Variants in PAK3 observed in about 807,000 individuals in gnomAD.
PAK3 encodes serine/threonine-protein kinase PAK 3.
In PAK3, 4 loss-of-function variants were observed where a neutral mutation model predicts 41.0. The ratio of observed to expected loss-of-function variants is 0.10; its 90% CI spans 0.05 to 0.22. PAK3 has a LOEUF of 0.22. Ranked by LOEUF, PAK3 falls within the 10% of genes least tolerant of loss-of-function variation. The probability of loss-of-function intolerance (pLI) is 1.00; values close to 1 mark genes in which losing one functional copy is unlikely to be tolerated. For synonymous variants in PAK3, 146 were observed against 139.6 expected, an observed-to-expected ratio of 1.05 and a Z score of -0.32; for missense variants, 205 against 409.9, an observed-to-expected ratio of 0.50 and a Z score of 4.32.
intron 7 of PAK3, among the ~76,000 whole-genome samples, chrX:111,150,421 T>G (rs1329132147): frequency 2.7e-5 from 3 of 112,027 alleles, no homozygotes; most frequent in African/African-American, 9.8e-5. Context: ...TTAGTCCGTT[T>G]TCATGCTACT....
At chrX:111,133,031 G>A (rs1418644712) in intron 5 of PAK3, among the ~76,000 whole-genome samples, 1 of 111,535 alleles carries the variant, frequency 9.0e-6, no homozygotes. Context: ...CAACCATCTG[G>A]AAGCCTGCCC....
chrX:110,952,004 T>C (rs1415948720), intron 1 of PAK3, among the ~76,000 whole-genome samples: 1 of 112,363 alleles, frequency 8.9e-6, no homozygotes, highest in African/African-American at 3.2e-5. Flanking sequence ...CTATTTAACT[T>C]GGCTTCCTGC....
chrX:110,970,056 A>G (rs181581140), intron 1 of PAK3, among the ~76,000 whole-genome samples: 1,945 of 112,150 alleles, frequency 0.017, 42 homozygotes, highest in African/African-American at 0.059. Flanking sequence ...TTACACCTAA[A>G]TAACTCATTT....
At chrX:111,087,134 AGTGTGTGTGTGTGTGTGT>A (rs112857612) in intron 1 of PAK3, among the ~76,000 whole-genome samples, 1 of 95,523 alleles carries the variant, frequency 1.0e-5, no homozygotes, top group Non-Finnish European at 2.1e-5. Context: ...TGAACAAGTA[AGTGTGTGTGTGTGTGTGT>A]GTGTGTGTGT....
chrX:111,017,175 A>G (rs1306462738), intron 1 of PAK3, among the ~76,000 whole-genome samples: 2 of 111,968 alleles, frequency 1.8e-5, no homozygotes, highest in African/African-American at 6.5e-5. Context: ...ATTAAAAAAT[A>G]ACAAGCTAAA....
intron 1 of PAK3, among the ~76,000 whole-genome samples, chrX:111,032,830 T>C (rs1475330141): frequency 1.8e-5 from 2 of 110,805 alleles, no homozygotes; most frequent in Non-Finnish European, 3.8e-5. Flanking sequence ...AGGGTCTTAA[T>C]GAGCCAGATC....
intron 1 of PAK3, among the ~76,000 whole-genome samples, chrX:111,052,081 T>C (rs776751756): frequency 8.9e-6 from 1 of 112,299 alleles, no homozygotes; most frequent in Admixed American, 9.4e-5. Context: ...GCAGCTACTA[T>C]CCATCCTTGG....
intron 11 of PAK3, among the ~76,000 whole-genome samples, chrX:111,191,598 G>T (rs1398375239): frequency 1.8e-5 from 2 of 111,878 alleles, no homozygotes; most frequent in African/African-American, 6.5e-5. Flanking sequence ...GGAAATATAT[G>T]AAAAGAACCA....
chrX:111,185,409 A>G (rs924273241), intron 11 of PAK3, among the ~76,000 whole-genome samples: 1 of 111,382 alleles, frequency 9.0e-6, no homozygotes, highest in African/African-American at 3.3e-5. Flanking sequence ...ATTAGATTCT[A>G]TTTGTTAATT....
At chrX:111,105,888 C>A (rs377666543) in intron 4 of PAK3, among the ~76,000 whole-genome samples, 1 of 111,900 alleles carries the variant, frequency 8.9e-6, no homozygotes, top group East Asian at 2.8e-4. Flanking sequence ...CAATCACTTA[C>A]ACACACAGGT....
chrX:111,120,374 G>A (rs1056364104), intron 4 of PAK3, among the ~76,000 whole-genome samples: 5 of 111,643 alleles, frequency 4.5e-5, no homozygotes, highest in African/African-American at 1.6e-4. Flanking sequence ...ATAAAGTCAG[G>A]GTAATCAGGC....
chrX:111,028,020 T>C (rs1265048196), intron 1 of PAK3, among the ~76,000 whole-genome samples: 1 of 102,303 alleles, frequency 9.8e-6, no homozygotes, highest in Admixed American at 1.1e-4. Context: ...TATATATACA[T>C]ATATATGTGT....
At chrX:111,135,253 G>T (rs1603287573) in intron 5 of PAK3, among the ~76,000 whole-genome samples, 1 of 111,712 alleles carries the variant, frequency 9.0e-6, no homozygotes, top group Non-Finnish European at 1.9e-5. Flanking sequence ...GCTGGAGAAG[G>T]TTGAGTTAGG....
At chrX:111,108,514 T>C (rs945254705) in intron 4 of PAK3, among the ~76,000 whole-genome samples, 3 of 112,207 alleles carry the variant, frequency 2.7e-5, no homozygotes, top group Non-Finnish European at 3.8e-5. Context: ...TCCTGTCAGA[T>C]CAGCAGCAAC....
At chrX:111,181,144 T>G (rs2094457898) in intron 11 of PAK3, among the ~76,000 whole-genome samples, 1 of 112,045 alleles carries the variant, frequency 8.9e-6, no homozygotes, top group African/African-American at 3.2e-5. Flanking sequence ...AAAGGAACTC[T>G]AACAAGAAAG....
chrX:111,120,501 A>G (rs969425737), intron 4 of PAK3, among the ~76,000 whole-genome samples: 1 of 111,910 alleles, frequency 8.9e-6, no homozygotes, highest in Non-Finnish European at 1.9e-5. Context: ...GGAGCATAGC[A>G]TTTTAAATTC....
chrX:111,121,434 G>A (rs2093566623), intron 4 of PAK3, among the ~76,000 whole-genome samples: 1 of 111,778 alleles, frequency 8.9e-6, no homozygotes, highest in Non-Finnish European at 1.9e-5. Flanking sequence ...GTATATGTTT[G>A]AGAGAATTTA....
At chrX:111,090,424 T>C (rs1368793408) in intron 1 of PAK3, among the ~76,000 whole-genome samples, 3 of 111,812 alleles carry the variant, frequency 2.7e-5, no homozygotes, top group Non-Finnish European at 5.6e-5. Context: ...CTCTTCAAGA[T>C]TGTTTCCAGG....
intron 10 of PAK3, among the ~76,000 whole-genome samples, chrX:111,168,550 A>C (rs1280905658): frequency 3.6e-5 from 4 of 112,003 alleles, no homozygotes; most frequent in Admixed American, 2.8e-4. Context: ...ATGAGTGTGG[A>C]GACACCATTT....
Sources: allele counts gnomAD v4.1 joint callset (sites outside exome capture counted in the v4.1 genomes callset), GRCh38; gene constraint gnomAD v4.1.1; transcripts MANE v1.5; gene names NCBI Gene and HGNC (gene_info 2026-07-23, HGNC 2026-07-21).